WHRN: variants seen among roughly 807,000 people sequenced by gnomAD.
WHRN encodes the protein whirlin.
In WHRN, 41 loss-of-function variants were observed where a neutral mutation model predicts 68.3. The observed-to-expected ratio is 0.60, with a 90% CI of 0.47 to 0.78. The LOEUF is 0.78. Among genes scored for constraint, WHRN ranks in the 30% least tolerant of loss-of-function variants. WHRN has a pLI of 0.00. For missense variants in WHRN, 1,243 were observed against 1,244.7 expected, an observed-to-expected ratio of 1.00 and a Z score of 0.02; for synonymous variants, 560 against 561.3, an observed-to-expected ratio of 1.00 and a Z score of 0.03.
intron 3 of WHRN, among the ~76,000 whole-genome samples, chr9:114,452,339 T>A (rs1564170923): frequency 1.3e-5 from 2 of 151,962 alleles, no homozygotes; most frequent in Admixed American, 1.3e-4. Context: ...CGGGCAGAAG[T>A]GGGGAGAGCT....
At chr9:114,486,951 GTGTGTGTGTATATATATATATA>G (rs58127275) in intron 1 of WHRN, among the ~76,000 whole-genome samples, 1,250 of 90,200 alleles carry the variant, frequency 0.014, 83 homozygotes, top group African/African-American at 0.06. Context: ...TTGTGTGTGT[GTGTGTGTGTATATATATATATA>G]TATATATATA....
chr9:114,412,328 G>C (rs1189318489), intron 7 of WHRN, among the ~76,000 whole-genome samples: 4 of 152,124 alleles, frequency 2.6e-5, no homozygotes, highest in African/African-American at 9.7e-5. Flanking sequence ...GCAGGAGCTG[G>C]GCCTGTTCAC....
At chr9:114,424,900 T>TA (rs1320395638) in intron 5 of WHRN, 88 bp downstream of exon 5, 5 of 1,415,092 alleles carry the variant, frequency 3.5e-6, no homozygotes, top group Non-Finnish European at 4.0e-6. Context: ...TGAGGTAGTG[T>TA]AAGTCACTCG....
At chr9:114,475,070 G>A (rs531099928) in intron 2 of WHRN, among the ~76,000 whole-genome samples, 1 of 152,266 alleles carries the variant, frequency 6.6e-6, no homozygotes, top group East Asian at 1.9e-4. Context: ...ACATGGTGCA[G>A]ACACTAGGGA....
intron 1 of WHRN, among the ~76,000 whole-genome samples, chr9:114,479,409 G>T (rs116152766): frequency 6.6e-6 from 1 of 152,154 alleles, no homozygotes. Flanking sequence ...TCTGCCCAAT[G>T]CACCCTTTCC....
chr9:114,474,654 T>G (rs1204157036), intron 2 of WHRN, among the ~76,000 whole-genome samples: 2 of 152,100 alleles, frequency 1.3e-5, no homozygotes, highest in African/African-American at 4.8e-5. Flanking sequence ...CCCCAATTTC[T>G]CTAGTGGGCA....
chr9:114,485,595 G>C (rs1177802685), intron 1 of WHRN, among the ~76,000 whole-genome samples: 2 of 152,198 alleles, frequency 1.3e-5, no homozygotes, highest in African/African-American at 4.8e-5. Flanking sequence ...AGGAGGCTGA[G>C]GCAGAAGAAT....
rs111033469 is a variant in WHRN, at chr9:114,478,771, C to A, written c.619G>T (p.Ala207Ser). The change falls in exon 2 of 12, where the codon GCT (alanine) becomes TCT (serine). Residue 207 changes from alanine (A) to serine (S), a missense_variant and splice_region_variant. Transcript: ENST00000362057. The stretch of plus-strand genomic sequence containing the variant: ...ACCAGCTTCTTGGAGCCCTTCAGAG[C>A]CTAGGGAGAGAGGGATACAAAGGTT... Reference protein sequence around the residue: ...ARVTHAEAVKALKGSKKLVLS... With the variant: ...ARVTHAEAVKSLKGSKKLVLS... 40 of 1,610,450 alleles carry A rather than the reference C, an allele frequency of 2.5e-5. No individual in the cohort carries two copies. In the African/African-American group the frequency reaches 4.8e-4, roughly 19 times the overall value.
At chr9:114,485,174 G>T (rs1200275567) in intron 1 of WHRN, among the ~76,000 whole-genome samples, 1 of 152,206 alleles carries the variant, frequency 6.6e-6, no homozygotes, top group East Asian at 1.9e-4. Context: ...TCTCTTTTCG[G>T]AAACAGAGAC....
At chr9:114,420,148 C>G (rs936296922) in intron 7 of WHRN, among the ~76,000 whole-genome samples, 8 of 152,196 alleles carry the variant, frequency 5.3e-5, no homozygotes, top group African/African-American at 1.9e-4. Context: ...GGTGCAGCAA[C>G]AACCCCTTCC....
At chr9:114,425,411 G>A (rs1836734134) in intron 4 of WHRN, 4 of 550,862 alleles carry the variant, frequency 7.3e-6, no homozygotes, top group East Asian at 2.9e-5. Flanking sequence ...GATGCAACTC[G>A]CAGGTGCGGC....
At chr9:114,433,309 G>A (rs1179270071) in intron 3 of WHRN, among the ~76,000 whole-genome samples, 6 of 152,198 alleles carry the variant, frequency 3.9e-5, no homozygotes, top group Non-Finnish European at 8.8e-5. Flanking sequence ...AGAGAAGGCT[G>A]CCAACAACCT....
intron 7 of WHRN, 34 bp from the exon 8 acceptor site, chr9:114,408,052 A>G (rs1198455413): frequency 2.6e-6 from 4 of 1,538,802 alleles, no homozygotes; most frequent in Middle Eastern, 1.7e-4. Context: ...GTGAGCAAAC[A>G]GAAGCTGAGA....
intron 7 of WHRN, among the ~76,000 whole-genome samples, chr9:114,419,723 G>A (rs1317405166): frequency 1.3e-5 from 2 of 152,182 alleles, no homozygotes; most frequent in African/African-American, 4.8e-5. Flanking sequence ...AAAGGCCAAG[G>A]GGTCTCTCAA....
chr9:114,406,250 C>A, intron 9 of WHRN, 105 bp downstream of exon 9: 1 of 1,527,070 alleles, frequency 6.5e-7, no homozygotes, highest in African/African-American at 1.4e-5. Flanking sequence ...CCCTGAGCCC[C>A]CTCAACAAGT....
chr9:114,437,598 CA>C (rs1372882033), intron 3 of WHRN, among the ~76,000 whole-genome samples: 2 of 152,098 alleles, frequency 1.3e-5, no homozygotes, highest in Non-Finnish European at 2.9e-5. Context: ...GGTCCTAATC[CA>C]AAAGGGTTGG....
chr9:114,408,377 G>A (rs995152121), intron 7 of WHRN, among the ~76,000 whole-genome samples: 1 of 152,252 alleles, frequency 6.6e-6, no homozygotes. Flanking sequence ...ACCACTTGCT[G>A]ATGAATCCCA....
chr9:114,483,279 A>T (rs1266236019), intron 1 of WHRN, among the ~76,000 whole-genome samples: 1 of 152,184 alleles, frequency 6.6e-6, no homozygotes, highest in East Asian at 1.9e-4. Context: ...TGCAGTGGCC[A>T]TCAGAATCCT....
At chr9:114,421,914 G>T (rs1836324294) in intron 7 of WHRN, among the ~76,000 whole-genome samples, 1 of 152,176 alleles carries the variant, frequency 6.6e-6, no homozygotes, top group Admixed American at 6.5e-5. Flanking sequence ...CCTTGGAAAT[G>T]ATGGCAACTC....
Sources: allele counts gnomAD v4.1 joint callset (sites outside exome capture counted in the v4.1 genomes callset), GRCh38; gene constraint gnomAD v4.1.1; transcripts MANE v1.5; gene names NCBI Gene and HGNC (gene_info 2026-07-23, HGNC 2026-07-21).